FAM234A: variants seen among roughly 807,000 people sequenced by gnomAD.
The protein encoded by FAM234A is protein FAM234A.
FAM234A carries 42 observed loss-of-function variants against 49.1 expected under a neutral mutation model. That is an observed-to-expected ratio of 0.86 (90% CI 0.67 to 1.11). FAM234A has a LOEUF of 1.11. Ranked by LOEUF, FAM234A falls within the 50% of genes least tolerant of loss-of-function variation. The probability of loss-of-function intolerance (pLI) is 0.00; values close to 1 mark genes in which losing one functional copy is unlikely to be tolerated. For synonymous variants in FAM234A, 369 were observed against 316.2 expected, an observed-to-expected ratio of 1.17 and a Z score of -1.77; for missense variants, 815 against 745.2, an observed-to-expected ratio of 1.09 and a Z score of -1.09.
chr16:249,233 G>T (rs971468666), intron 1 of FAM234A, among the ~76,000 whole-genome samples: 2 of 151,888 alleles, frequency 1.3e-5, no homozygotes, highest in African/African-American at 4.9e-5. Flanking sequence ...TTGAGGGTCA[G>T]GAGATGTCTG....
chr16:257,236 CTTTTTT>C (rs759071082), intron 3 of FAM234A, among the ~76,000 whole-genome samples: 2 of 89,014 alleles, frequency 2.2e-5, no homozygotes, highest in African/African-American at 4.6e-5. Context: ...TCAATGAAGT[CTTTTTT>C]TTTTTTTTTT....
chr16:260,263 A>G (rs1268034000), intron 5 of FAM234A, 103 bp downstream of exon 5: 2 of 1,089,156 alleles, frequency 1.8e-6, no homozygotes, highest in Non-Finnish European at 2.7e-6. Context: ...CAGCCCTGTG[A>G]TCTTGAGGGT....
At chr16:237,175 G>A (rs2050434440) in intron 1 of FAM234A, among the ~76,000 whole-genome samples, 1 of 152,102 alleles carries the variant, frequency 6.6e-6, no homozygotes, top group Non-Finnish European at 1.5e-5. Context: ...CAAAGTGTTA[G>A]GATTACAGGT....
chr16:238,963 T>C (rs2050512341), intron 1 of FAM234A, among the ~76,000 whole-genome samples: 1 of 143,520 alleles, frequency 7.0e-6, no homozygotes, highest in Non-Finnish European at 1.5e-5. Flanking sequence ...GTGCCTGTAG[T>C]CCCAGCTACT....
chr16:268,598 A>G, downstream of FAM234A: 1 of 632,288 alleles, frequency 1.6e-6, no homozygotes. Context: ...TGGGGTGACA[A>G]TGTCAGAGTT....
At chr16:253,241 G>A (rs935775629) in intron 2 of FAM234A, among the ~76,000 whole-genome samples, 8 of 152,134 alleles carry the variant, frequency 5.3e-5, no homozygotes, top group Admixed American at 5.2e-4. Context: ...GGAACCAGGG[G>A]AAGGAGAGGG....
Position 254,703 on chromosome 16 carries a change from C to G in FAM234A, c.268+22C>G, listed in dbSNP as rs2051161872. The stretch of plus-strand genomic sequence containing the variant: ...GCTGGTGAGCCTCGGCTTCCCCGCC[C>G]AGTGGGGTCCAAAGCAGCTCTTCCC... On this transcript the variant is annotated intron_variant, in intron 3 of 12. Transcript: ENST00000399932. 5 of 1,610,708 alleles carry G rather than the reference C, an allele frequency of 3.1e-6. No individual in the cohort carries two copies. In the African/African-American group the frequency reaches 6.7e-5, roughly 22 times the overall value.
chr16:264,753 C>A (rs1025025631), intron 12 of FAM234A, 37 bp downstream of exon 12: 5 of 1,607,142 alleles, frequency 3.1e-6, no homozygotes, highest in Non-Finnish European at 4.2e-6. Flanking sequence ...GGGTGTTCCG[C>A]GGGGTCTGCC....
intron 1 of FAM234A, among the ~76,000 whole-genome samples, chr16:238,115 T>G (rs1278200589): frequency 6.6e-6 from 1 of 151,910 alleles, no homozygotes; most frequent in Non-Finnish European, 1.5e-5. Context: ...GCCTCCCAGG[T>G]TCAAGCGATT....
At chr16:268,841 C>T, downstream of FAM234A, 1 of 1,550,434 alleles carries the variant, frequency 6.4e-7, no homozygotes, top group Non-Finnish European at 8.7e-7. Context: ...ACCTGCATGT[C>T]CGCGTCTTGT....
downstream of FAM234A, chr16:266,234 A>G (rs2141386463): frequency 2.6e-6 from 1 of 381,578 alleles, no homozygotes; most frequent in Admixed American, 6.4e-5. Context: ...AGGGCTGCCG[A>G]GGAGGCGAGC....
chr16:254,496 C>T lies in FAM234A; in HGVS notation c.83C>T (p.Pro28Leu), dbSNP rs1254650040. The T allele has an allele frequency of 6.2e-7, 1 of 1,614,220 alleles. No individual in the cohort carries two copies. The highest frequency in any genetic ancestry group is 8.5e-7 in the Non-Finnish European group (1 of 1,180,028). Residue 28 changes from proline (P) to leucine (L), a missense_variant, in exon 3 of 13, where the codon CCA (proline) becomes CTA (leucine). Pro to Leu is a moderately conservative substitution (Grantham distance 98). Transcript: ENST00000399932. ...ERKSQENLGN[P>L]SKNEDNVKSA... is the part of the protein sequence containing the mutation. ...AAATCGCAGGAAAATCTGGGAAATC[C>T]ATCAAAAAATGAGGATAACGTGAAA...
downstream of FAM234A, chr16:269,062 A>G (rs2051796063): frequency 9.7e-7 from 1 of 1,032,954 alleles, no homozygotes; most frequent in African/African-American, 1.6e-5. Flanking sequence ...CTGGGAATCC[A>G]CACCTGGACC....
At position 260,130 on chromosome 16, in the gene FAM234A, A is replaced by C. The variant is rs2051400274; in HGVS notation, c.547A>C (p.Ser183Arg). 6.2e-7 allele frequency: 1 copy of C among 1,613,828 alleles called. No homozygotes were observed. The highest frequency in any genetic ancestry group is 8.5e-7 in the Non-Finnish European group (1 of 1,180,024). ...PSACILVGRP[S>R]SFIAVNLFTG... The stretch of plus-strand genomic sequence containing the variant: ...TGCCTGCATCCTGGTGGGCAGACCC[A>C]GTTCTTTCATTGCAGTCAACTTGTT... Residue 183 changes from serine (S) to arginine (R), a missense_variant, in exon 5 of 13, where the codon AGT (serine) becomes CGT (arginine). Ser to Arg is a moderately radical substitution (Grantham distance 110, BLOSUM62 -1). Transcript: ENST00000399932.
rs201598421 is a variant in FAM234A at position 265,002 on chromosome 16, C to T, written c.1639C>T (p.Arg547Trp). Residue 547 changes from arginine (R) to tryptophan (W), a missense_variant, in exon 13 of 13, where the codon CGG becomes TGG. Transcript: ENST00000399932. ...CATCAGGGACCGGTTCTCCCGGCTGCGGTACCAGAGTGAGGCGTAGAGGCA... is the reference window on the plus strand; with the variant it reads ...CATCAGGGACCGGTTCTCCCGGCTGTGGTACCAGAGTGAGGCGTAGAGGCA... ...QAIRDRFSRL[R>W]YQSEA is the part of the protein sequence containing the mutation. 2.2e-3 allele frequency: 3,585 copies of T among 1,609,290 alleles called. 7 individuals are homozygous for T. The highest frequency in any genetic ancestry group is 5.8e-3 in the Middle Eastern group (35 of 6,048).
intron 1 of FAM234A, among the ~76,000 whole-genome samples, chr16:248,939 A>G (rs1158296531): frequency 6.6e-6 from 1 of 151,936 alleles, no homozygotes; most frequent in Non-Finnish European, 1.5e-5. Context: ...TGTTGTATAT[A>G]TTTATTACTG....
chr16:244,032 C>G (rs536618260), intron 1 of FAM234A, among the ~76,000 whole-genome samples: 206 of 151,720 alleles, frequency 1.4e-3, no homozygotes, highest in African/African-American at 4.7e-3. Context: ...GCAGTGGTGC[C>G]ATCTCGGCTC....
At position 260,061 on chromosome 16, in the gene FAM234A, G is replaced by A. The variant is rs373257687; in HGVS notation, c.478G>A (p.Val160Met). The A allele has an allele frequency of 7.4e-6, 12 of 1,613,612 alleles. No individual in the cohort carries two copies. Among genetic ancestry groups the A allele is most frequent in the South Asian group, 3.3e-5 (3 of 91,084 alleles). The change falls in exon 5 of 13, where the codon GTG (valine) becomes ATG (methionine). Residue 160 changes from valine to methionine, a missense_variant. Val to Met is a conservative substitution (Grantham distance 21, BLOSUM62 1). Transcript: ENST00000399932. The stretch of plus-strand genomic sequence containing the variant: ...ACCTGTGGCCCAAGACGTGGCCCTC[G>A]TGGAGTGTGCTGTGCCCCAGCCAAG... ...ERPVAQDVALVECAVPQPRGS... is the reference protein window; with the variant it reads ...ERPVAQDVALMECAVPQPRGS...
intron 5 of FAM234A, 84 bp from the exon 6 acceptor site, chr16:261,300 C>T: frequency 1.3e-6 from 2 of 1,509,388 alleles, no homozygotes; most frequent in Non-Finnish European, 1.8e-6. Flanking sequence ...CAACAGGAGC[C>T]TGCCTGTCAC....
Sources: gnomAD v4.1 joint callset for allele counts (sites outside exome capture counted in the v4.1 genomes callset) on GRCh38, gnomAD v4.1.1 for gene constraint, MANE v1.5 for transcripts, NCBI Gene and HGNC (gene_info 2026-07-23, HGNC 2026-07-21) for gene names.